The following HECW1 variants were observed in gnomAD, a reference collection of about 807,000 sequenced individuals.
HECW1 encodes the protein HECT, C2 and WW domain containing E3 ubiquitin protein ligase 1.
A neutral mutation model predicts 182.3 loss-of-function variants in HECW1; 61 were observed. The ratio of observed to expected loss-of-function variants is 0.33; its 90% CI spans 0.27 to 0.41. HECW1 has a LOEUF of 0.41. Among genes scored for constraint, HECW1 ranks in the 10% least tolerant of loss-of-function variants. The pLI is 1.00. For missense variants in HECW1, 1,739 were observed against 2,108.9 expected (o/e 0.82, Z 3.44); for synonymous variants, 859 against 832.6 (o/e 1.03, Z -0.55).
chr7:43,484,476 T>C (rs527762865), intron 17 of HECW1: 31 of 152,350 alleles, frequency 2.0e-4, no homozygotes, highest in African/African-American at 7.0e-4. Context: ...GAATTAACTA[T>C]AGATATTTCT....
At chr7:43,318,834 G>T (rs1033794599) in intron 4 of HECW1, among the ~76,000 whole-genome samples, 1 of 152,234 alleles carries the variant, frequency 6.6e-6, no homozygotes, top group Non-Finnish European at 1.5e-5. Context: ...CCCTTGCCCA[G>T]GTTGTCCCTC....
At chr7:43,257,121 G>A (rs951343865) in intron 3 of HECW1, among the ~76,000 whole-genome samples, 1 of 152,094 alleles carries the variant, frequency 6.6e-6, no homozygotes, top group Non-Finnish European at 1.5e-5. Context: ...AAGGGCTGTG[G>A]GGCCACCCGA....
intron 27 of HECW1, 71 bp from the exon 28 acceptor site, chr7:43,552,151 A>G (rs2081855581): frequency 3.3e-6 from 3 of 921,550 alleles, no homozygotes; most frequent in Non-Finnish European, 5.4e-6. Context: ...TTTAACCCAC[A>G]TAAATATAAT....
At chr7:43,241,640 G>A (rs1325045285) in intron 2 of HECW1, among the ~76,000 whole-genome samples, 2 of 151,116 alleles carry the variant, frequency 1.3e-5, no homozygotes, top group East Asian at 3.9e-4. Context: ...GTGTGTGTGT[G>A]TGTGTGTGTG....
At chr7:43,114,099 T>C in intron 1 of HECW1, 58 bp from the exon 2 acceptor site, 1 of 516,794 alleles carries the variant, frequency 1.9e-6, no homozygotes, top group Non-Finnish European at 3.2e-6. Context: ...TGCTTACTTC[T>C]CTTGGAATCT....
chr7:43,328,762 G>A (rs1040093288), intron 5 of HECW1, among the ~76,000 whole-genome samples: 11 of 152,218 alleles, frequency 7.2e-5, no homozygotes, highest in African/African-American at 2.7e-4. Flanking sequence ...AAACGATGGT[G>A]CCGGCTTCCA....
intron 8 of HECW1, among the ~76,000 whole-genome samples, chr7:43,410,403 T>C (rs2075761641): frequency 1.3e-5 from 2 of 152,148 alleles, no homozygotes; most frequent in African/African-American, 2.4e-5. Flanking sequence ...CCTATCCTCA[T>C]GACTCCTCTA....
chr7:43,340,257 G>C (rs1280241165), intron 5 of HECW1, among the ~76,000 whole-genome samples: 1 of 127,158 alleles, frequency 7.9e-6, no homozygotes, highest in African/African-American at 3.1e-5. Flanking sequence ...GTATCGCTCT[G>C]TCGCCCAGGC....
intron 3 of HECW1, among the ~76,000 whole-genome samples, chr7:43,285,402 A>G (rs1222918284): frequency 6.6e-6 from 1 of 152,234 alleles, no homozygotes; most frequent in Non-Finnish European, 1.5e-5. Context: ...CTGGACTAGG[A>G]AATCAAAACT....
intron 3 of HECW1, among the ~76,000 whole-genome samples, chr7:43,250,512 G>C (rs1193952170): frequency 6.6e-6 from 1 of 152,172 alleles, no homozygotes; most frequent in Admixed American, 6.5e-5. Flanking sequence ...ACCCACACAA[G>C]TGTAGAACAC....
Position 43,444,088 on chromosome 7 carries a change from C to A in HECW1, c.1046-130C>A, listed in dbSNP as rs765344366. ...CACTAGAGCTCTGGCCAGTGAGAAA[C>A]CCTCATCAACCTACATTCAATATCC... On this transcript the variant is annotated intron_variant, in intron 10 of 29. Coordinates refer to ENST00000395891, the MANE Select transcript of HECW1 (RefSeq NM_015052.5). This position sits in a 1 kb window ranked among gnomAD's most constrained non-coding sequence, Gnocchi z 4.3. 9 of 932,628 alleles carry A rather than the reference C, an allele frequency of 9.7e-6. No individual in the cohort carries two copies. The highest frequency in any genetic ancestry group is 1.8e-5 in the South Asian group (1 of 54,506). The allele number at this position is 932,628 out of a possible 1,614,324, so 57.8% of individuals were successfully genotyped here.
chr7:43,503,172 T>C (rs1427782084), intron 21 of HECW1, among the ~76,000 whole-genome samples: 1 of 152,234 alleles, frequency 6.6e-6, no homozygotes, highest in Admixed American at 6.5e-5. Flanking sequence ...CAATGCTTGC[T>C]ACCTCTGACG....
chr7:43,401,860 C>T (rs1349678212), intron 7 of HECW1, among the ~76,000 whole-genome samples: 1 of 151,732 alleles, frequency 6.6e-6, no homozygotes, highest in African/African-American at 2.4e-5. Context: ...CCCACCATGC[C>T]CCTCTATCTT....
At chr7:43,211,775 TAAATC>T (rs920397101) in intron 2 of HECW1, among the ~76,000 whole-genome samples, 1 of 152,180 alleles carries the variant, frequency 6.6e-6, no homozygotes, top group African/African-American at 2.4e-5. Flanking sequence ...CTCAAAATAA[TAAATC>T]AAGACATCAT....
At chr7:43,123,875 C>G (rs141112139) in intron 2 of HECW1, among the ~76,000 whole-genome samples, 1 of 152,184 alleles carries the variant, frequency 6.6e-6, no homozygotes, top group African/African-American at 2.4e-5. Context: ...CTCAGTTAAA[C>G]GGCACATATT....
At chr7:43,248,082 C>A (rs1799618025) in intron 3 of HECW1, among the ~76,000 whole-genome samples, 1 of 145,410 alleles carries the variant, frequency 6.9e-6, no homozygotes, top group East Asian at 2.1e-4. Context: ...GGAGGGAAAA[C>A]AATGGAGAGA....
At chr7:43,479,004 A>G (rs28722033) in intron 16 of HECW1, among the ~76,000 whole-genome samples, 175 of 152,326 alleles carry the variant, frequency 1.1e-3, no homozygotes, top group African/African-American at 3.8e-3. Context: ...CATTTAGATC[A>G]GTGGTCTCCA....
At chr7:43,244,896 G>T (rs924703356) in intron 3 of HECW1, among the ~76,000 whole-genome samples, 1 of 152,188 alleles carries the variant, frequency 6.6e-6, no homozygotes, top group Non-Finnish European at 1.5e-5. Flanking sequence ...GGAGAGGGAC[G>T]CCCTGAGATG....
chr7:43,213,191 A>G (rs1316593302), intron 2 of HECW1, among the ~76,000 whole-genome samples: 4 of 152,150 alleles, frequency 2.6e-5, no homozygotes, highest in African/African-American at 4.8e-5. Flanking sequence ...GGACTGGGTA[A>G]CAAATCTTGC....
Sources: allele counts gnomAD v4.1 joint callset (sites outside exome capture counted in the v4.1 genomes callset), GRCh38; gene constraint gnomAD v4.1.1; non-coding constraint Gnocchi (gnomAD v3.1); transcripts MANE v1.5; gene names NCBI Gene and HGNC (gene_info 2026-07-23, HGNC 2026-07-21).